Variants in KLHL20 observed in about 807,000 individuals in gnomAD.
KLHL20 encodes kelch-like protein 20.
In KLHL20, 29 loss-of-function variants were observed where a neutral mutation model predicts 69.5. The ratio of observed to expected loss-of-function variants is 0.42; its 90% confidence interval spans 0.31 to 0.57. The LOEUF (loss-of-function observed/expected upper bound fraction) is 0.57, where lower values mean the gene tolerates loss of function less well. Ranked by LOEUF, KLHL20 falls within the 20% of genes least tolerant of loss-of-function variation. KLHL20 has a pLI of 0.18. For missense variants in KLHL20, 419 were observed against 776.0 expected (o/e 0.54, Z 5.47); for synonymous variants, 253 against 265.2 (o/e 0.95, Z 0.45).
rs1188907379 is a variant in KLHL20 at position 173,751,906 on chromosome 1, G to A, written c.740G>A (p.Arg247His). ...AWVKYSIQER[R>H]PQLPQVLQHV... ...GTCAAATACAGTATTCAGGAAAGAC[G>A]TCCTCAATTACCCCAGGTAATGATA... The change falls in exon 4 of 12, where the codon CGT becomes CAT. Residue 247 changes from arginine to histidine, a missense_variant. By Grantham distance (29) the Arg-to-His change is conservative (BLOSUM62 0). Transcript: ENST00000209884. 14 of 1,613,826 alleles carry A rather than the reference G, an allele frequency of 8.7e-6. No homozygotes were observed. Among genetic ancestry groups the A allele is most frequent in the Admixed American group, 1.7e-5 (1 of 59,996 alleles).
chr1:173,779,226 A>G (rs1245725987), intron 10 of KLHL20, among the ~76,000 whole-genome samples: 5 of 152,120 alleles, frequency 3.3e-5, no homozygotes, highest in African/African-American at 1.2e-4. Flanking sequence ...CTTTTAGGTA[A>G]ATCAAGCCCT....
chr1:173,724,936 C>T (rs1671887442), intron 2 of KLHL20, among the ~76,000 whole-genome samples: 1 of 152,140 alleles, frequency 6.6e-6, no homozygotes, highest in African/African-American at 2.4e-5. Flanking sequence ...CCGTTAATTT[C>T]AGCTAGAAAA....
intron 10 of KLHL20, 190 bp from the exon 11 acceptor site, chr1:173,781,934 T>A: frequency 2.0e-6 from 1 of 496,050 alleles, no homozygotes; most frequent in South Asian, 2.8e-5. Context: ...ATATTCTAAT[T>A]GAATATATAA....
chr1:173,772,386 C>G (rs1441360096), intron 8 of KLHL20, among the ~76,000 whole-genome samples: 1 of 152,122 alleles, frequency 6.6e-6, no homozygotes, highest in East Asian at 1.9e-4. Context: ...GGGATAATTG[C>G]AATAGATTGA....
intron 10 of KLHL20, among the ~76,000 whole-genome samples, chr1:173,777,150 C>T (rs373171296): frequency 3.4e-4 from 52 of 152,068 alleles, no homozygotes; most frequent in African/African-American, 1.1e-3. Context: ...TCAGTTTATT[C>T]GTAGGTATTT....
chr1:173,784,316 T>C (rs1649069902), intron 11 of KLHL20, among the ~76,000 whole-genome samples: 2 of 152,212 alleles, frequency 1.3e-5, no homozygotes, highest in African/African-American at 4.8e-5. Context: ...TAATGGCAGC[T>C]TTGGGCCTCT....
At chr1:173,724,631 A>C (rs1307473456) in intron 2 of KLHL20, among the ~76,000 whole-genome samples, 1 of 152,178 alleles carries the variant, frequency 6.6e-6, no homozygotes, top group Non-Finnish European at 1.5e-5. Flanking sequence ...CTACATATGA[A>C]ATATGAATAT....
intron 3 of KLHL20, among the ~76,000 whole-genome samples, chr1:173,746,606 A>T (rs1673070735): frequency 6.6e-6 from 1 of 152,078 alleles, no homozygotes; most frequent in African/African-American, 2.4e-5. Context: ...TACCCTTAAT[A>T]CTTTGATTTT....
At chr1:173,725,170 A>C (rs1671898664) in intron 2 of KLHL20, among the ~76,000 whole-genome samples, 1 of 152,222 alleles carries the variant, frequency 6.6e-6, no homozygotes, top group African/African-American at 2.4e-5. Context: ...AAAACAAAAC[A>C]AAACCTCATT....
intron 3 of KLHL20, among the ~76,000 whole-genome samples, chr1:173,747,238 T>C (rs1416975808): frequency 6.6e-6 from 1 of 152,060 alleles, no homozygotes; most frequent in Non-Finnish European, 1.5e-5. Flanking sequence ...CGCTTGGCTC[T>C]TCTATATTCC....
At chr1:173,766,979 G>A (rs1030030934) in intron 8 of KLHL20, among the ~76,000 whole-genome samples, 1 of 152,086 alleles carries the variant, frequency 6.6e-6, no homozygotes, top group Non-Finnish European at 1.5e-5. Flanking sequence ...TAGTTACTAT[G>A]TTGTACATTA....
chr1:173,753,385 C>T, intron 5 of KLHL20, 78 bp downstream of exon 5: 1 of 1,056,918 alleles, frequency 9.5e-7, no homozygotes, highest in Non-Finnish European at 1.4e-6. Context: ...TGTATTGCTT[C>T]CTAAATATTG....
chr1:173,738,081 T>A (rs1264967658), intron 3 of KLHL20, among the ~76,000 whole-genome samples: 1 of 152,174 alleles, frequency 6.6e-6, no homozygotes, highest in African/African-American at 2.4e-5. Context: ...CTTTACTGAA[T>A]TCATTTACCA....
Position 173,785,394 on chromosome 1 carries a change from T to TG in KLHL20, c.*147_*148insG. On this transcript the variant is annotated 3_prime_UTR_variant, in exon 12 of 12. Transcript: ENST00000209884. ...GGAAATACAATCCAATGAAAGTACT[T>TG]CACCTGCAAGATGCACAATAATTTT... is the stretch of plus-strand genomic sequence containing the variant. The TG allele has an allele frequency of 9.5e-6, 4 of 423,068 alleles. No individual in the cohort carries two copies. In the South Asian group the frequency reaches 2.3e-4, roughly 25 times the overall value. 26.2% of individuals were successfully genotyped at this position (423,068 alleles called of 1,614,324 possible).
At chr1:173,726,212 A>G (rs187612882) in intron 2 of KLHL20, among the ~76,000 whole-genome samples, 68 of 152,090 alleles carry the variant, frequency 4.5e-4, no homozygotes, top group African/African-American at 1.6e-3. Flanking sequence ...GGCACCCACC[A>G]TTGTCCAGGC....
At position 173,766,389 on chromosome 1, in the gene KLHL20, A is replaced by T. The variant is rs7534521; in HGVS notation, c.1295+100A>T. The T allele has an allele frequency of 0.02, 22,038 of 1,116,630 alleles. 2,890 individuals are homozygous for T. The African/African-American group carries it at 0.3, about 15-fold the overall frequency. 69.2% of individuals were successfully genotyped at this position (1,116,630 alleles called of 1,614,324 possible). ...GTTGGGCGTGGTGGCTCACACCTGTAATCCTAGCACTTTGGAAGGCCAAGG... is the reference window on the plus strand; with the variant it reads ...GTTGGGCGTGGTGGCTCACACCTGTTATCCTAGCACTTTGGAAGGCCAAGG... On this transcript the variant is annotated intron_variant, in intron 8 of 11. Coordinates refer to ENST00000209884, the MANE Select transcript of KLHL20 (RefSeq NM_014458.4).
At chr1:173,716,744 A>G (rs995693246) in intron 2 of KLHL20, among the ~76,000 whole-genome samples, 1 of 152,144 alleles carries the variant, frequency 6.6e-6, no homozygotes, top group African/African-American at 2.4e-5. Context: ...TTTTCTATTT[A>G]TTGAACTCTA....
At chr1:173,765,098 CT>C (rs1647604467) in intron 7 of KLHL20, among the ~76,000 whole-genome samples, 1 of 151,458 alleles carries the variant, frequency 6.6e-6, no homozygotes, top group Non-Finnish European at 1.5e-5. Context: ...ATGAATCATG[CT>C]TTTAAGTCAT....
chr1:173,736,368 T>C (rs183184142), intron 3 of KLHL20, among the ~76,000 whole-genome samples: 24 of 152,294 alleles, frequency 1.6e-4, no homozygotes, highest in African/African-American at 5.8e-4. Flanking sequence ...ATTTTTGCAG[T>C]TGTGAATTGT....
Sources: allele counts gnomAD v4.1 joint callset (sites outside exome capture counted in the v4.1 genomes callset), GRCh38; gene constraint gnomAD v4.1.1; transcripts MANE v1.5; gene names NCBI Gene and HGNC (gene_info 2026-07-23, HGNC 2026-07-21).